Variants in APC2 observed in about 807,000 individuals in gnomAD.
APC2 encodes the protein adenomatous polyposis coli protein 2.
APC2 carries 41 observed loss-of-function variants against 72.5 expected under a neutral mutation model. The ratio of observed to expected loss-of-function variants is 0.57; its 90% CI spans 0.44 to 0.73. APC2 has a LOEUF of 0.73. APC2 is among the 30% of genes least tolerant of loss of function. The pLI, the probability that APC2 is intolerant of heterozygous loss-of-function variation, is 0.00. For synonymous variants in APC2, 1,898 were observed against 1,612.0 expected, an observed-to-expected ratio of 1.18 and a Z score of -4.25; for missense variants, 3,729 against 3,403.4, an observed-to-expected ratio of 1.10 and a Z score of -2.38.
At chr19:1,458,209 C>T (rs2083868929) in intron 10 of APC2, 149 bp downstream of exon 10, 1 of 714,638 alleles carries the variant, frequency 1.4e-6, no homozygotes, top group African/African-American at 1.8e-5. Context: ...AGTCACATAG[C>T]ACCTCTCATG....
chr19:1,457,724 A>C (rs905384289), intron 9 of APC2: 4 of 581,388 alleles, frequency 6.9e-6, no homozygotes, highest in Admixed American at 6.0e-5. Context: ...AAAAGGGCAG[A>C]AGCACAGCTG....
Position 1,467,272 on chromosome 19 carries a change from G to T in APC2, c.3971G>T (p.Gly1324Val). The part of the protein sequence containing the change: ...HFAGHRRREE[G>V]PAPTGSRPRG... Reference sequence around the variant, plus strand: ...GCAGGGCACCGGCGGCGGGAGGAGGGGCCGGCGCCCACGGGTTCTCGCCCT... The same window carrying T: ...GCAGGGCACCGGCGGCGGGAGGAGGTGCCGGCGCCCACGGGTTCTCGCCCT... Residue 1324 changes from glycine to valine, a missense_variant, in exon 15 of 15, where the codon GGG becomes GTG. Transcript: ENST00000590469. 7.6e-7 allele frequency: 1 copy of T among 1,308,970 alleles called. No homozygotes were observed. The highest frequency in any genetic ancestry group is 9.7e-7 in the Non-Finnish European group (1 of 1,033,922). The allele number at this position is 1,308,970 out of a possible 1,614,324, so 81.1% of individuals were successfully genotyped here.
chr19:1,466,741 C>T lies in APC2; in HGVS notation c.3440C>T (p.Ser1147Leu). The change falls in exon 15 of 15, where the codon TCG becomes TTG. Residue 1147 changes from serine to leucine, a missense_variant. By Grantham distance (145) the Ser-to-Leu change is moderately radical (BLOSUM62 -2). Transcript: ENST00000590469. ...GTGGAAGACGCCACGCCGTCCAGCT[C>T]GTCGGAGAACTACGTGCAGGAGACA... ...LGVEDATPSSSSENYVQETPL... is the reference protein window; with the variant it reads ...LGVEDATPSSLSENYVQETPL... 6.5e-7 allele frequency: 1 copy of T among 1,544,398 alleles called. No homozygotes were observed. The highest frequency in any genetic ancestry group is 8.7e-7 in the Non-Finnish European group (1 of 1,143,954).
chr19:1,450,000 C>A, upstream of APC2: 4 of 530,670 alleles, frequency 7.5e-6, no homozygotes, highest in Non-Finnish European at 9.7e-6. Context: ...CCCGACGCCC[C>A]GCGGCCGACG....
At position 1,456,807 on chromosome 19, in the gene APC2, C is replaced by T. The variant is rs201257808; in HGVS notation, c.817-46C>T. Reference sequence around the variant, plus strand: ...GGCTCCGACCGGGTTTCCAGGTGTGCGGGGGGCAGGTGAGGGACCCCACCC... The same window carrying T: ...GGCTCCGACCGGGTTTCCAGGTGTGTGGGGGGCAGGTGAGGGACCCCACCC... On this transcript the variant is annotated intron_variant, in intron 8 of 14. Transcript: ENST00000590469. The T allele has an allele frequency of 4.9e-3, 7,672 of 1,560,790 alleles. 28 individuals carry two copies. Among genetic ancestry groups the T allele is most frequent in the Non-Finnish European group, 5.7e-3 (6,637 of 1,161,726 alleles).
chr19:1,454,730 A>C (rs938373259), intron 4 of APC2, among the ~76,000 whole-genome samples: 8 of 151,562 alleles, frequency 5.3e-5, no homozygotes, highest in Non-Finnish European at 1.2e-4. Flanking sequence ...CGCCCGGCTA[A>C]TTTTGTTTTC....
chr19:1,465,109 G>A (rs1409340635), intron 14 of APC2, 46 bp from the exon 15 acceptor site: 5 of 1,559,940 alleles, frequency 3.2e-6, no homozygotes, highest in African/African-American at 1.4e-5. Context: ...TCGGTGGGCA[G>A]GGGAGGGTGG....
In APC2 at chr19:1,461,782, T is replaced by C. The variant is rs756481213; in HGVS notation, c.1639-181T>C. ...CAGGAGAATCGCTTGAACTGGGGAGTCGGAGCCTGCAGTGAGTCGAGATCT... is the reference window on the plus strand; with the variant it reads ...CAGGAGAATCGCTTGAACTGGGGAGCCGGAGCCTGCAGTGAGTCGAGATCT... On this transcript the variant is annotated intron_variant, in intron 13 of 14. Transcript: ENST00000590469. 1,057 of 565,094 alleles carry C rather than the reference T, an allele frequency of 1.9e-3. 4 individuals are homozygous for C. Among genetic ancestry groups the C allele is most frequent in the Non-Finnish European group, 2.5e-3 (826 of 325,144 alleles). The allele number at this position is 565,094 out of a possible 1,614,324, so 35.0% of individuals were successfully genotyped here. A position where few individuals can be genotyped will look rare whatever the true frequency, so the allele number is the denominator to read the frequency against.
chr19:1,454,879 A>G (rs1481286787), intron 4 of APC2, among the ~76,000 whole-genome samples: 1 of 151,076 alleles, frequency 6.6e-6, no homozygotes, highest in Non-Finnish European at 1.5e-5. Context: ...CTATTTTTAT[A>G]TTTTTTATTT....
At position 1,466,488 on chromosome 19, in the gene APC2, G is replaced by C; in HGVS notation, c.3187G>C (p.Gly1063Arg). The C allele has an allele frequency of 6.3e-7, 1 of 1,597,898 alleles. No individual in the cohort carries two copies. The highest frequency in any genetic ancestry group is 8.5e-7 in the Non-Finnish European group (1 of 1,179,450). ...ACTGCAGAAACTGGCGGCGCAAGAG[G>C]GGCCACTCTCGCTGTCCCGATGCAG... ...KALQKLAAQE[G>R]PLSLSRCSSL... The change falls in exon 15 of 15, where the codon GGG becomes CGG. Residue 1063 changes from glycine (G) to arginine (R), a missense_variant. By Grantham distance (125) the Gly-to-Arg change is moderately radical. Transcript: ENST00000590469.
rs1437927876 is a variant in APC2 at position 1,456,368 on chromosome 19, C to T, written c.780C>T (p.His260=). The T allele has an allele frequency of 3.7e-6, 6 of 1,608,586 alleles. No individual in the cohort carries two copies. Among genetic ancestry groups the T allele is most frequent in the Non-Finnish European group, 3.4e-6 (4 of 1,178,378 alleles). ...DEDPETEVPT[H]PEDGTPQPGN... Reference sequence around the variant, plus strand: ...ACCCCGAGACAGAGGTCCCCACACACCCTGAGGATGGCACCCCTCAGCCGG... The same window carrying T: ...ACCCCGAGACAGAGGTCCCCACACATCCTGAGGATGGCACCCCTCAGCCGG... The change falls in exon 8 of 15, where the codon CAC becomes CAT. Residue 260 remains histidine, a synonymous_variant. Transcript: ENST00000590469.
At position 1,456,201 on chromosome 19, in the gene APC2, C is replaced by T. The variant is rs199810895; in HGVS notation, c.717+48C>T. 7.5e-5 allele frequency: 117 copies of T among 1,552,932 alleles called. No homozygotes were observed. In the African/African-American group the frequency reaches 1.4e-3, roughly 19 times the overall value. ...GGACCAGGGGTGGTGTCGGCCCAGG[C>T]AGAACGGGGCTCCTCGAGTTCTGCC... is the stretch of plus-strand genomic sequence containing the variant. On this transcript the variant is annotated intron_variant, in intron 7 of 14. Transcript: ENST00000590469.
chr19:1,466,432 C>T lies in APC2; in HGVS notation c.3131C>T (p.Ala1044Val), dbSNP rs754634439. 25 of 1,596,984 alleles carry T rather than the reference C, an allele frequency of 1.6e-5. No individual in the cohort carries two copies. Among genetic ancestry groups the T allele is most frequent in the Non-Finnish European group, 2.0e-5 (24 of 1,178,788 alleles). ...DHLSKVPEKL[A>V]AAPLSVASKA... ...CTGAGCAAGGTTCCCGAGAAGCTGG[C>T]GGCTGCCCCGCTGTCTGTGGCCAGC... Residue 1044 changes from alanine (A) to valine (V), a missense_variant, in exon 15 of 15, where the codon GCG becomes GTG. Coordinates refer to ENST00000590469, the MANE Select transcript of APC2 (RefSeq NM_005883.3).
chr19:1,463,777 A>G (rs2083963388), intron 14 of APC2, among the ~76,000 whole-genome samples: 1 of 152,048 alleles, frequency 6.6e-6, no homozygotes. Flanking sequence ...ATATTAATAT[A>G]ACTGTCTTCA....
chr19:1,466,345 C>A lies in APC2; in HGVS notation c.3044C>A (p.Pro1015His), dbSNP rs145292370. 8.3e-6 allele frequency: 13 copies of A among 1,559,762 alleles called. No individual in the cohort carries two copies. Among genetic ancestry groups the A allele is most frequent in the Non-Finnish European group, 1.1e-5 (13 of 1,156,012 alleles). ...LEGASRAGAE[P>H]LAGPGISPGA... ...GGTGCCTCAAGGGCGGGTGCAGAGC[C>A]CCTCGCGGGGCCTGGAATCTCTCCA... The change falls in exon 15 of 15, where the codon CCC becomes CAC. Residue 1015 changes from proline to histidine, a missense_variant. By Grantham distance (77) the Pro-to-His change is moderately conservative. Transcript: ENST00000590469.
chr19:1,459,819 T>A (rs1182199895), intron 10 of APC2, among the ~76,000 whole-genome samples: 1 of 152,018 alleles, frequency 6.6e-6, no homozygotes, highest in Non-Finnish European at 1.5e-5. Flanking sequence ...TCTTGGGGTG[T>A]ATTATTAGAG....
At chr19:1,453,897 C>T (rs2083778918) in intron 4 of APC2, among the ~76,000 whole-genome samples, 1 of 152,186 alleles carries the variant, frequency 6.6e-6, no homozygotes, top group Non-Finnish European at 1.5e-5. Context: ...CCCAGGGGTC[C>T]GAGACACGCA....
chr19:1,470,013 G>A lies in APC2; in HGVS notation c.6712G>A (p.Ala2238Thr), dbSNP rs769921928. The A allele has an allele frequency of 6.5e-7, 1 of 1,548,620 alleles. No individual in the cohort carries two copies. Among genetic ancestry groups the A allele is most frequent in the South Asian group, 1.2e-5 (1 of 85,048 alleles). ...SDVDGPSLAKAPISAPFVHEG... is the reference protein window; with the variant it reads ...SDVDGPSLAKTPISAPFVHEG... Reference sequence around the variant, plus strand: ...CGTGGACGGTCCCAGCCTCGCCAAGGCTCCCATCTCCGCACCCTTCGTGCA... The same window carrying A: ...CGTGGACGGTCCCAGCCTCGCCAAGACTCCCATCTCCGCACCCTTCGTGCA... Residue 2238 changes from alanine to threonine, a missense_variant, in exon 15 of 15, where the codon GCT becomes ACT. By Grantham distance (58) the Ala-to-Thr change is moderately conservative (BLOSUM62 0). Coordinates refer to ENST00000590469, the MANE Select transcript of APC2 (RefSeq NM_005883.3).
rs1257791224 is a variant in APC2, at chr19:1,455,208, A to G, written c.473A>G (p.Gln158Arg). 3 of 1,584,090 alleles carry G rather than the reference A, an allele frequency of 1.9e-6. No homozygotes were observed. Among genetic ancestry groups the G allele is most frequent in the Non-Finnish European group, 2.6e-6 (3 of 1,172,150 alleles). The change falls in exon 5 of 15, where the codon CAG becomes CGG. Residue 158 changes from glutamine to arginine, a missense_variant. Physicochemically the swap from Gln to Arg is conservative, Grantham distance 43 (BLOSUM62 1). Transcript: ENST00000590469. Reference sequence around the variant, plus strand: ...AAGGAGAAGCTCTGGTACTACTCTCAGCTGCAGGGCCTGTCCAAGCGCCTG... The same window carrying G: ...AAGGAGAAGCTCTGGTACTACTCTCGGCTGCAGGGCCTGTCCAAGCGCCTG... ...EEKEKLWYYS[Q>R]LQGLSKRLDE...
Sources: gnomAD v4.1 joint callset for allele counts (sites outside exome capture counted in the v4.1 genomes callset) on GRCh38, gnomAD v4.1.1 for gene constraint, MANE v1.5 for transcripts, NCBI Gene and HGNC (gene_info 2026-07-23, HGNC 2026-07-21) for gene names.